NOP58: variants seen among roughly 807,000 people sequenced by gnomAD.
The protein encoded by NOP58 is NOP58 ribonucleoprotein.
Under a neutral mutation model 71.2 loss-of-function variants are expected in NOP58, and 44 were observed. The observed-to-expected ratio is 0.62, with a 90% CI of 0.49 to 0.79. The LOEUF (loss-of-function observed/expected upper bound fraction) is 0.79. Ranked by LOEUF, NOP58 falls within the 30% of genes least tolerant of loss-of-function variation. The probability of loss-of-function intolerance (pLI) is 0.00; values close to 1 mark genes in which losing one functional copy is unlikely to be tolerated. For missense variants in NOP58, 538 were observed against 620.2 expected, an observed-to-expected ratio of 0.87 and a Z score of 1.41; for synonymous variants, 228 against 200.3, an observed-to-expected ratio of 1.14 and a Z score of -1.17.
At chr2:202,285,976 C>G (rs1198879405) in intron 5 of NOP58, among the ~76,000 whole-genome samples, 3 of 151,940 alleles carry the variant, frequency 2.0e-5, no homozygotes, top group Non-Finnish European at 4.4e-5. Flanking sequence ...AGGCAGATCA[C>G]AAGGTCAGGA....
intron 5 of NOP58, among the ~76,000 whole-genome samples, chr2:202,284,922 G>A (rs1387544788): frequency 6.6e-6 from 1 of 152,160 alleles, no homozygotes; most frequent in Non-Finnish European, 1.5e-5. Flanking sequence ...AAGGCAAAGA[G>A]GACTAGGTGC....
chr2:202,297,656 A>G, intron 11 of NOP58, 143 bp downstream of exon 11: 1 of 922,774 alleles, frequency 1.1e-6, no homozygotes, highest in South Asian at 1.8e-5. Context: ...TACTGTTAAC[A>G]ATTGCTATTA....
intron 6 of NOP58, among the ~76,000 whole-genome samples, chr2:202,288,343 G>C (rs1688826929): frequency 6.6e-6 from 1 of 151,720 alleles, no homozygotes; most frequent in Non-Finnish European, 1.5e-5. Context: ...AATTAACCAG[G>C]CATGGTGGTG....
chr2:202,285,499 C>T (rs1314365887), intron 5 of NOP58, among the ~76,000 whole-genome samples: 2 of 151,552 alleles, frequency 1.3e-5, no homozygotes, highest in Non-Finnish European at 2.9e-5. Context: ...GTGTGCGCCA[C>T]CATCCCTGGC....
intron 1 of NOP58, among the ~76,000 whole-genome samples, chr2:202,274,369 G>A (rs1042197694): frequency 2.0e-5 from 3 of 151,038 alleles, no homozygotes; most frequent in African/African-American, 4.9e-5. Context: ...GGGGATTACA[G>A]GCATGTGCCA....
intron 5 of NOP58, among the ~76,000 whole-genome samples, chr2:202,287,024 G>A (rs886733649): frequency 2.0e-5 from 3 of 149,608 alleles, no homozygotes; most frequent in African/African-American, 7.4e-5. Flanking sequence ...GTAGTATAAA[G>A]CTTAATATGT....
chr2:202,297,258 CGATG>C (rs1689009286), intron 10 of NOP58, 117 bp from the exon 11 acceptor site: 5 of 869,342 alleles, frequency 5.8e-6, no homozygotes, highest in African/African-American at 1.7e-5. Flanking sequence ...GGTTGAAATA[CGATG>C]GATGATTTGA....
intron 9 of NOP58, among the ~76,000 whole-genome samples, chr2:202,295,346 G>C (rs962306354): frequency 6.6e-6 from 1 of 152,150 alleles, no homozygotes; most frequent in Non-Finnish European, 1.5e-5. Flanking sequence ...CCAGATTAGT[G>C]TTCGTGTGTG....
chr2:202,270,203 A>G (rs757269324), intron 1 of NOP58, among the ~76,000 whole-genome samples: 11 of 152,202 alleles, frequency 7.2e-5, no homozygotes, highest in Non-Finnish European at 1.2e-4. Context: ...GCTCTAGACA[A>G]CCACTGTTCA....
At chr2:202,286,406 G>A (rs1188019285) in intron 5 of NOP58, among the ~76,000 whole-genome samples, 1 of 151,226 alleles carries the variant, frequency 6.6e-6, no homozygotes, top group Admixed American at 6.6e-5. Flanking sequence ...TCGGGAGGCT[G>A]AGGCAGGAGA....
chr2:202,266,013 G>T (rs775736134), intron 1 of NOP58, 27 bp downstream of exon 1: 1 of 1,613,106 alleles, frequency 6.2e-7, no homozygotes, highest in South Asian at 1.1e-5. Flanking sequence ...GCCGTTAAAG[G>T]GGGAAGGCGG....
rs1487892558 is a variant in NOP58, at chr2:202,287,640, A to G, written c.435-20A>G. 2.5e-6 allele frequency: 4 copies of G among 1,594,978 alleles called. No individual in the cohort carries two copies. Among genetic ancestry groups the G allele is most frequent in the African/African-American group, 1.3e-5 (1 of 74,572 alleles). On this transcript the variant is annotated intron_variant, in intron 5 of 14. Coordinates refer to ENST00000264279, the MANE Select transcript of NOP58 (RefSeq NM_015934.5). ...TTCCTAGATGCTATCTTGCTAATTT[A>G]TTTTCCCCTTTCTTCCCAGCCTGTC...
intron 2 of NOP58, among the ~76,000 whole-genome samples, chr2:202,276,194 C>T (rs1214055448): frequency 2.6e-5 from 4 of 151,700 alleles, no homozygotes; most frequent in Non-Finnish European, 5.9e-5. Context: ...CAAAATTAGC[C>T]GGGCGTGGTG....
intron 6 of NOP58, among the ~76,000 whole-genome samples, chr2:202,289,816 A>T (rs1028182621): frequency 1.3e-5 from 2 of 152,186 alleles, no homozygotes; most frequent in African/African-American, 4.8e-5. Flanking sequence ...TTACTGTTTA[A>T]TGGGTACAGA....
At chr2:202,268,408 G>A (rs929824511) in intron 1 of NOP58, among the ~76,000 whole-genome samples, 7 of 151,490 alleles carry the variant, frequency 4.6e-5, no homozygotes, top group Non-Finnish European at 7.4e-5. Flanking sequence ...GGTGGTGTGC[G>A]CCTGTAATCT....
At position 202,265,811 on chromosome 2, in the gene NOP58, T is replaced by G; in HGVS notation, c.-131T>G. 3.3e-6 allele frequency: 3 copies of G among 918,804 alleles called. No homozygotes were observed. The highest frequency in any genetic ancestry group is 5.2e-6 in the Non-Finnish European group (3 of 574,454). The allele number at this position is 918,804 out of a possible 1,614,324, so 56.9% of individuals were successfully genotyped here. A position where few individuals can be genotyped will look rare whatever the true frequency, so the allele number is the denominator to read the frequency against. On this transcript the variant is annotated 5_prime_UTR_variant, in exon 1 of 15. Coordinates refer to ENST00000264279, the MANE Select transcript of NOP58 (RefSeq NM_015934.5). ...GTTTAGGCAGCGTGTTCTGATTCTT[T>G]GCGGGACGGCGAGCGCATTTGTGCT...
At chr2:202,294,719 C>CT (rs796595627) in intron 9 of NOP58, among the ~76,000 whole-genome samples, 1 of 152,100 alleles carries the variant, frequency 6.6e-6, no homozygotes, top group East Asian at 1.9e-4. Flanking sequence ...AATCCCAGCA[C>CT]TTTGGGAAGC....
intron 10 of NOP58, among the ~76,000 whole-genome samples, chr2:202,296,525 T>C (rs927020601): frequency 1.3e-5 from 2 of 152,106 alleles, no homozygotes; most frequent in African/African-American, 4.8e-5. Context: ...CCTTATGAGA[T>C]GTAGGTATCT....
chr2:202,280,881 C>A (rs979841544), intron 3 of NOP58, among the ~76,000 whole-genome samples: 1 of 151,108 alleles, frequency 6.6e-6, no homozygotes, highest in Non-Finnish European at 1.5e-5. Context: ...CATGCCACCA[C>A]GCTCACCTAA....
Sources: allele counts gnomAD v4.1 joint callset (sites outside exome capture counted in the v4.1 genomes callset), GRCh38; gene constraint gnomAD v4.1.1; transcripts MANE v1.5; gene names NCBI Gene and HGNC (gene_info 2026-07-23, HGNC 2026-07-21).